The following SNX18 variants were observed in gnomAD, a reference collection of about 807,000 sequenced individuals.
The protein encoded by SNX18 is sorting nexin 18, also known as sorting nexin-18.
SNX18 carries 35 observed loss-of-function variants against 48.7 expected under a neutral mutation model. That is an observed-to-expected ratio of 0.72 (90% confidence interval 0.55 to 0.95). The LOEUF is 0.95. SNX18 is among the 40% of genes least tolerant of loss of function. The pLI is 0.00. For missense variants in SNX18, 824 were observed against 871.0 expected, an observed-to-expected ratio of 0.95 and a Z score of 0.68; for synonymous variants, 492 against 384.7, an observed-to-expected ratio of 1.28 and a Z score of -3.26.
the SNX18 span, among the ~76,000 whole-genome samples, chr5:54,572,546 G>A: frequency 6.6e-6 from 1 of 151,948 alleles, no homozygotes; most frequent in African/African-American, 2.4e-5. Flanking sequence ...TAGAGGTGTA[G>A]TGACCTGCAG....
chr5:54,565,684 C>A, the SNX18 span, among the ~76,000 whole-genome samples: 238 of 151,956 alleles, frequency 1.6e-3, no homozygotes, highest in Non-Finnish European at 2.7e-3. Context: ...ACTTTATGTA[C>A]CTGTTTAAAA....
At chr5:54,559,805 T>A in the SNX18 span, among the ~76,000 whole-genome samples, 4 of 152,100 alleles carry the variant, frequency 2.6e-5, no homozygotes, top group Non-Finnish European at 5.9e-5. Flanking sequence ...ATTTGCAAAC[T>A]ATATAACTGA....
chr5:54,570,950 T>A, the SNX18 span, among the ~76,000 whole-genome samples: 4 of 152,222 alleles, frequency 2.6e-5, no homozygotes, highest in East Asian at 7.7e-4. Context: ...CTTCCAGTTC[T>A]CCAGCCACAA....
rs1366379725 is a variant in SNX18 at position 54,543,171 on chromosome 5, AAC to A, written c.1622-7_1622-6del. Reference sequence around the variant, plus strand: ...AGGTTTTTAATTAATTGTTATTTTTAACTACAGGAGCTCTTACCAAAGTCAAG... The same window carrying A: ...AGGTTTTTAATTAATTGTTATTTTTATACAGGAGCTCTTACCAAAGTCAAG... On this transcript the variant is annotated splice_polypyrimidine_tract_variant and splice_region_variant and intron_variant, in intron 1 of 1. Coordinates refer to ENST00000381410, the MANE Select transcript of SNX18 (RefSeq NM_001102575.2). The A allele has an allele frequency of 3.7e-6, 6 of 1,604,012 alleles. No individual in the cohort carries two copies. The highest frequency in any genetic ancestry group is 1.7e-5 in the Admixed American group (1 of 58,304).
At chr5:54,519,751 G>C (rs1456833827) in intron 1 of SNX18, 178 bp downstream of exon 1, 1 of 1,614,186 alleles carries the variant, frequency 6.2e-7, no homozygotes, top group Non-Finnish European at 8.5e-7. Context: ...TCGACAGGCA[G>C]CTTCCTCCTC....
chr5:54,524,944 G>T (rs941883463), intron 1 of SNX18, among the ~76,000 whole-genome samples: 4 of 152,246 alleles, frequency 2.6e-5, no homozygotes, highest in Non-Finnish European at 5.9e-5. Flanking sequence ...ACCAAGGGGT[G>T]GGACTGAGCT....
At chr5:54,647,817 A>T in the SNX18 span, among the ~76,000 whole-genome samples, 1 of 152,182 alleles carries the variant, frequency 6.6e-6, no homozygotes, top group East Asian at 1.9e-4. Context: ...AACAGGGATG[A>T]AGAGTTGAGA....
Position 54,518,182 on chromosome 5 carries a change from G to T in SNX18, c.230G>T (p.Arg77Leu). Residue 77 changes from arginine (R) to leucine (L), a missense_variant, in exon 1 of 2, where the codon CGC (arginine) becomes CTC (leucine). Physicochemically the swap from Arg to Leu is moderately radical, Grantham distance 102. Coordinates refer to ENST00000381410, the MANE Select transcript of SNX18 (RefSeq NM_001102575.2). The part of the protein sequence containing the change: ...AGDGGPGAPA[R>L]YANVPPGGFE... Reference sequence around the variant, plus strand: ...GACGGCGGCCCGGGCGCCCCGGCCCGCTACGCCAATGTGCCCCCCGGGGGC... The same window carrying T: ...GACGGCGGCCCGGGCGCCCCGGCCCTCTACGCCAATGTGCCCCCCGGGGGC... The T allele has an allele frequency of 7.2e-7, 1 of 1,386,276 alleles. No homozygotes were observed. The allele number at this position is 1,386,276 out of a possible 1,614,324, so 85.9% of individuals were successfully genotyped here. A position where few individuals can be genotyped will look rare whatever the true frequency, so the allele number is the denominator to read the frequency against.
chr5:54,612,553 G>A, the SNX18 span, among the ~76,000 whole-genome samples: 5 of 152,080 alleles, frequency 3.3e-5, no homozygotes, highest in Admixed American at 6.5e-5. Context: ...GTGAGCCACC[G>A]TGCCTGGCTG....
the SNX18 span, chr5:54,644,715 A>G: frequency 6.6e-6 from 1 of 152,200 alleles, no homozygotes; most frequent in African/African-American, 2.4e-5. Flanking sequence ...TCTACTGACT[A>G]CAATATAGGT....
At chr5:54,582,372 A>G in the SNX18 span, among the ~76,000 whole-genome samples, 1 of 152,194 alleles carries the variant, frequency 6.6e-6, no homozygotes, top group Non-Finnish European at 1.5e-5. Flanking sequence ...TCCCATGAGC[A>G]TTGACTAGAA....
chr5:54,640,916 T>A, the SNX18 span, among the ~76,000 whole-genome samples: 1 of 152,106 alleles, frequency 6.6e-6, no homozygotes, highest in African/African-American at 2.4e-5. Flanking sequence ...AAAAATTAGC[T>A]GAGTGTGGTG....
the SNX18 span, among the ~76,000 whole-genome samples, chr5:54,563,361 TTA>T: frequency 1.3e-5 from 2 of 152,214 alleles, no homozygotes; most frequent in Non-Finnish European, 2.9e-5. Flanking sequence ...GTACCATTTT[TTA>T]TCTTTTATAC....
the SNX18 span, among the ~76,000 whole-genome samples, chr5:54,602,104 C>T: frequency 6.6e-6 from 1 of 152,132 alleles, no homozygotes; most frequent in Non-Finnish European, 1.5e-5. Context: ...AGAATATGGC[C>T]CTACTGGAAT....
rs560095073 is a variant in SNX18 at position 54,518,507 on chromosome 5, G to T, written c.555G>T (p.Ala185=). 5 of 1,556,324 alleles carry T rather than the reference G, an allele frequency of 3.2e-6. 1 individual carries two copies. The South Asian group carries it at 5.8e-5, about 18-fold the overall frequency. Residue 185 remains alanine (A), a synonymous_variant, in exon 1 of 2, where the codon GCG becomes GCT. Coordinates refer to ENST00000381410, the MANE Select transcript of SNX18 (RefSeq NM_001102575.2). ...AYPDLDGSSS[A]GVGAAGRYRL... ...CGGACCTCGACGGCTCGTCTTCGGC[G>T]GGTGTGGGCGCAGCCGGCCGCTACC...
At chr5:54,606,660 T>A in the SNX18 span, among the ~76,000 whole-genome samples, 1 of 152,262 alleles carries the variant, frequency 6.6e-6, no homozygotes, top group Non-Finnish European at 1.5e-5. Context: ...TCTAGGTTTA[T>A]ATGCAATTTT....
At chr5:54,547,132 A>G (rs1206869196), downstream of SNX18, among the ~76,000 whole-genome samples, 1 of 152,218 alleles carries the variant, frequency 6.6e-6, no homozygotes, top group Non-Finnish European at 1.5e-5. Context: ...TGTAATGTCT[A>G]GAATGGCCTA....
the SNX18 span, among the ~76,000 whole-genome samples, chr5:54,583,156 T>C: frequency 6.6e-6 from 1 of 152,202 alleles, no homozygotes; most frequent in Non-Finnish European, 1.5e-5. Context: ...TGTTTGTTTG[T>C]TTAAGATTGG....
At chr5:54,604,383 G>A in the SNX18 span, among the ~76,000 whole-genome samples, 6 of 152,176 alleles carry the variant, frequency 3.9e-5, no homozygotes, top group East Asian at 3.8e-4. Flanking sequence ...ACTGGCACAC[G>A]AATGGATAAA....
Sources: allele counts gnomAD v4.1 joint callset (sites outside exome capture counted in the v4.1 genomes callset), GRCh38; gene constraint gnomAD v4.1.1; transcripts MANE v1.5; gene names NCBI Gene and HGNC (gene_info 2026-07-23, HGNC 2026-07-21).